NYAP2: variants seen among roughly 807,000 people sequenced by gnomAD.
The protein encoded by NYAP2 is neuronal tyrosine-phosphorylated phosphoinositide-3-kinase adapter 2.
A neutral mutation model predicts 50.4 loss-of-function variants in NYAP2; 23 were observed. The ratio of observed to expected loss-of-function variants is 0.46; its 90% CI spans 0.33 to 0.65. The LOEUF is 0.65. NYAP2 is among the 30% of genes least tolerant of loss of function. The pLI, the probability that NYAP2 is intolerant of heterozygous loss-of-function variation, is 0.02. For missense variants in NYAP2, 885 were observed against 861.0 expected (o/e 1.03, Z -0.35); for synonymous variants, 394 against 365.2 (o/e 1.08, Z -0.90).
intron 3 of NYAP2, among the ~76,000 whole-genome samples, chr2:225,415,106 G>A (rs934951873): frequency 6.6e-6 from 1 of 152,084 alleles, no homozygotes; most frequent in African/African-American, 2.4e-5. Flanking sequence ...GAATGTCTCT[G>A]TTCCCTGTGG....
At chr2:225,415,342 G>T (rs924832415) in intron 3 of NYAP2, among the ~76,000 whole-genome samples, 14 of 152,012 alleles carry the variant, frequency 9.2e-5, no homozygotes, top group African/African-American at 3.4e-4. Context: ...TAAAAATAAA[G>T]AAAATATTTG....
At chr2:225,630,924 G>A (rs1693302305) in intron 6 of NYAP2, among the ~76,000 whole-genome samples, 1 of 152,174 alleles carries the variant, frequency 6.6e-6, no homozygotes, top group Non-Finnish European at 1.5e-5. Flanking sequence ...AATGCTCTGG[G>A]ACATCAAATT....
chr2:225,475,951 G>A (rs543634874), intron 3 of NYAP2, among the ~76,000 whole-genome samples: 56 of 152,304 alleles, frequency 3.7e-4, no homozygotes, highest in African/African-American at 1.3e-3. Context: ...CAGAACTGCA[G>A]AGATTAGATG....
At chr2:225,571,975 G>C (rs1692080915) in intron 4 of NYAP2, among the ~76,000 whole-genome samples, 1 of 152,166 alleles carries the variant, frequency 6.6e-6, no homozygotes. Flanking sequence ...AAGTTCCACA[G>C]ATCTCCAGGG....
chr2:225,445,539 A>G (rs1007969745), intron 3 of NYAP2, among the ~76,000 whole-genome samples: 1 of 152,132 alleles, frequency 6.6e-6, no homozygotes, highest in Non-Finnish European at 1.5e-5. Context: ...ACCACTTTTT[A>G]TACTAGATAT....
chr2:225,669,526 T>C, the NYAP2 span, among the ~76,000 whole-genome samples: 11 of 152,238 alleles, frequency 7.2e-5, no homozygotes, highest in African/African-American at 2.6e-4. Context: ...TTATTTTTCT[T>C]GATTACAATT....
Position 225,582,324 on chromosome 2 carries a change from GACTTGGACTTCGCCAA to G in NYAP2, c.908_923del (p.Asp303GlyfsTer65). Reference sequence around the variant, plus strand: ...GCAGTGTGCTACTCCCACGGTGCCTGACTTGGACTTCGCCAAGGCCTCAGTGCCATGCCCCCCCAAG... The same window carrying G: ...GCAGTGTGCTACTCCCACGGTGCCTGGGCCTCAGTGCCATGCCCCCCCAAG... On this transcript the variant is annotated frameshift_variant, in exon 5 of 7. Transcript: ENST00000636099. LOFTEE classifies it high-confidence loss of function. This position sits in a 1 kb window ranked among gnomAD's most constrained non-coding sequence, Gnocchi z 7.0. 5.6e-6 allele frequency: 9 copies of G among 1,614,008 alleles called. No individual in the cohort carries two copies. The highest frequency in any genetic ancestry group is 7.6e-6 in the Non-Finnish European group (9 of 1,179,894).
In NYAP2 at chr2:225,582,394, T is replaced by C. The variant is rs964304426; in HGVS notation, c.977T>C (p.Phe326Ser). The stretch of plus-strand genomic sequence containing the variant: ...CTGCTTTGCGACATCCCTCCGCCCT[T>C]CCCCAACCTGCTTTCTCACAGACCC... The change falls in exon 5 of 7, where the codon TTC becomes TCC. Residue 326 changes from phenylalanine to serine, a missense_variant. By Grantham distance (155) the Phe-to-Ser change is radical. Transcript: ENST00000636099. The surrounding 1 kb of genome is among the most constrained non-coding windows in gnomAD (Gnocchi z 7.0). The C allele has an allele frequency of 6.2e-7, 1 of 1,607,626 alleles. No individual in the cohort carries two copies. Among genetic ancestry groups the C allele is most frequent in the Non-Finnish European group, 8.5e-7 (1 of 1,175,438 alleles).
intron 3 of NYAP2, among the ~76,000 whole-genome samples, chr2:225,440,390 G>C (rs1180737120): frequency 6.6e-6 from 1 of 152,186 alleles, no homozygotes; most frequent in Non-Finnish European, 1.5e-5. Flanking sequence ...GAATAATTTA[G>C]GGTGAAGCAT....
rs1385155273 is a variant in NYAP2, at chr2:225,455,715, A to G, written c.221+46614A>G. On this transcript the variant is annotated intron_variant, in intron 3 of 6. Coordinates refer to ENST00000636099, the Ensembl canonical transcript of NYAP2. ...GAATATTGACATAAGTTTTAAGGTG[A>G]ATAAGAAAATATTGGAAAATTGTAG... Among the ~76,000 whole-genome samples, 3 of 152,330 alleles carry G rather than the reference A, an allele frequency of 2.0e-5. No homozygotes were observed. The East Asian group carries it at 5.8e-4, about 29-fold the overall frequency.
At chr2:225,476,635 T>C (rs1336142622) in intron 3 of NYAP2, among the ~76,000 whole-genome samples, 1 of 152,150 alleles carries the variant, frequency 6.6e-6, no homozygotes, top group African/African-American at 2.4e-5. Context: ...ATCAAAACAA[T>C]ATATCAAACC....
chr2:225,537,706 A>T (rs1691376106), intron 4 of NYAP2, among the ~76,000 whole-genome samples: 1 of 152,102 alleles, frequency 6.6e-6, no homozygotes, highest in Non-Finnish European at 1.5e-5. Flanking sequence ...TCATGTCCTC[A>T]CATTTCAAAA....
the NYAP2 span, among the ~76,000 whole-genome samples, chr2:225,687,498 C>T: frequency 6.6e-6 from 1 of 152,062 alleles, no homozygotes; most frequent in African/African-American, 2.4e-5. Context: ...ATATATGGCA[C>T]CTTATTAACT....
chr2:225,570,535 G>A (rs1415272694), intron 4 of NYAP2, among the ~76,000 whole-genome samples: 1 of 152,152 alleles, frequency 6.6e-6, no homozygotes, highest in Non-Finnish European at 1.5e-5. Flanking sequence ...GAGAGAATGA[G>A]TGCCAACAGG....
intron 5 of NYAP2, among the ~76,000 whole-genome samples, chr2:225,592,326 CA>C (rs1395104107): frequency 6.6e-6 from 1 of 152,074 alleles, no homozygotes; most frequent in Non-Finnish European, 1.5e-5. Context: ...GTTGATTAAT[CA>C]AAAACCCCAG....
At chr2:225,469,773 T>C (rs1689982688) in intron 3 of NYAP2, among the ~76,000 whole-genome samples, 1 of 152,046 alleles carries the variant, frequency 6.6e-6, no homozygotes, top group Admixed American at 6.5e-5. Context: ...CACTGTATGT[T>C]CTCACTCATA....
intron 4 of NYAP2, among the ~76,000 whole-genome samples, chr2:225,527,897 T>C (rs955880060): frequency 2.6e-5 from 4 of 152,188 alleles, no homozygotes; most frequent in Non-Finnish European, 5.9e-5. Flanking sequence ...TCCTCCTGTC[T>C]TGGCCTCCCA....
chr2:225,417,904 T>G (rs1241712375), intron 3 of NYAP2, among the ~76,000 whole-genome samples: 1 of 152,158 alleles, frequency 6.6e-6, no homozygotes, highest in African/African-American at 2.4e-5. Context: ...ATGCTTGTCC[T>G]CATCGGAGTT....
At chr2:225,671,989 CT>C in the NYAP2 span, among the ~76,000 whole-genome samples, 40 of 151,390 alleles carry the variant, frequency 2.6e-4, no homozygotes, top group African/African-American at 8.3e-4. Context: ...GGCATCCACA[CT>C]TTTTTTTTTC....
Sources: allele counts gnomAD v4.1 joint callset (sites outside exome capture counted in the v4.1 genomes callset), GRCh38; gene constraint gnomAD v4.1.1; non-coding constraint Gnocchi (gnomAD v3.1); transcripts MANE v1.5; gene names NCBI Gene and HGNC (gene_info 2026-07-23, HGNC 2026-07-21).